The following TMEM71 variants were observed in gnomAD, a reference collection of about 807,000 sequenced individuals.
TMEM71 encodes the protein transmembrane protein 71.
In TMEM71, 44 loss-of-function variants were observed where a neutral mutation model predicts 38.0. The ratio of observed to expected loss-of-function variants is 1.16; its 90% CI spans 0.91 to 1.49. The LOEUF is 1.49. TMEM71 is among the 40% of genes most tolerant of loss of function. The pLI is 0.00. For missense variants in TMEM71, 367 were observed against 348.6 expected, an observed-to-expected ratio of 1.05 and a Z score of -0.42; for synonymous variants, 133 against 122.5, an observed-to-expected ratio of 1.09 and a Z score of -0.56.
In TMEM71 at chr8:132,745,329, A is replaced by G. The variant is rs534762725; in HGVS notation, c.487+1613T>C. 2.0e-5 allele frequency among the ~76,000 whole-genome samples: 3 copies of G among 152,326 alleles called. No individual in the cohort carries two copies. The South Asian group carries it at 6.2e-4, about 32-fold the overall frequency. ...TATAAGGAGTTTAAACAATTGAATA[A>G]GCAAAAACCAAATAATCCCATATAA... On this transcript the variant is annotated intron_variant, in intron 5 of 9. Transcript: ENST00000677595.
chr8:132,730,354 C>T (rs910711983), intron 5 of TMEM71, among the ~76,000 whole-genome samples: 3 of 152,184 alleles, frequency 2.0e-5, no homozygotes, highest in East Asian at 1.9e-4. Flanking sequence ...AACATAAAAG[C>T]TCTCTGTGGA....
At chr8:132,760,838 C>T (rs1375328399), upstream of TMEM71, 2 of 152,216 alleles carry the variant, frequency 1.3e-5, no homozygotes, top group African/African-American at 4.8e-5. Flanking sequence ...AACTTGTCAC[C>T]TTTGGCTGCG....
the TMEM71 span, among the ~76,000 whole-genome samples, chr8:132,771,957 G>A: frequency 6.6e-6 from 1 of 152,132 alleles, no homozygotes; most frequent in Admixed American, 6.5e-5. Context: ...TGATGTCAGT[G>A]CTATTTTCAA....
chr8:132,746,182 A>C (rs1051190769), intron 5 of TMEM71, among the ~76,000 whole-genome samples: 2 of 151,016 alleles, frequency 1.3e-5, no homozygotes, highest in Non-Finnish European at 2.9e-5. Flanking sequence ...AAGTTGAAAA[A>C]GAAAAATAAA....
In TMEM71 at chr8:132,710,921, G is replaced by A; in HGVS notation, c.*46C>T. The A allele has an allele frequency of 3.1e-5, 49 of 1,585,284 alleles. No homozygotes were observed. Among genetic ancestry groups the A allele is most frequent in the Non-Finnish European group, 4.2e-5 (49 of 1,155,030 alleles). On this transcript the variant is annotated 3_prime_UTR_variant, in exon 10 of 10. Transcript: ENST00000677595. ...TAGACTGCAAGTTGGACAATTTCCAGATATTCAGATGGAGGACATTCATCG... is the reference window on the plus strand; with the variant it reads ...TAGACTGCAAGTTGGACAATTTCCAAATATTCAGATGGAGGACATTCATCG...
At chr8:132,707,227 A>T (rs1310791070), downstream of TMEM71, among the ~76,000 whole-genome samples, 1 of 152,178 alleles carries the variant, frequency 6.6e-6, no homozygotes, top group Non-Finnish European at 1.5e-5. Flanking sequence ...TGGTAATAAA[A>T]ACTATAAAGC....
At chr8:132,738,439 T>C (rs755160261) in intron 5 of TMEM71, among the ~76,000 whole-genome samples, 3 of 152,220 alleles carry the variant, frequency 2.0e-5, no homozygotes, top group Non-Finnish European at 4.4e-5. Context: ...TTGGAAAATA[T>C]TCTTTAAGTC....
intron 5 of TMEM71, among the ~76,000 whole-genome samples, chr8:132,737,084 C>A (rs376878654): frequency 3.3e-5 from 5 of 152,158 alleles, no homozygotes; most frequent in African/African-American, 1.2e-4. Flanking sequence ...GAATATTGGT[C>A]GTCAGGGGCT....
At chr8:132,761,957 T>C (rs755404876), upstream of TMEM71, among the ~76,000 whole-genome samples, 13 of 152,202 alleles carry the variant, frequency 8.5e-5, no homozygotes, top group Non-Finnish European at 1.3e-4. Flanking sequence ...TTGAGCTGAC[T>C]GCAGCCCCAT....
At chr8:132,752,824 G>GAAGA (rs1321644030) in intron 3 of TMEM71, among the ~76,000 whole-genome samples, 1 of 125,798 alleles carries the variant, frequency 7.9e-6, no homozygotes, top group South Asian at 2.8e-4. Context: ...AGAAGGGAAG[G>GAAGA]AAGAAAGGAA....
chr8:132,717,865 A>G lies in TMEM71; in HGVS notation c.753-3650T>C, dbSNP rs186643968. On this transcript the variant is annotated intron_variant, in intron 7 of 9. Coordinates refer to ENST00000677595, the MANE Select transcript of TMEM71 (RefSeq NM_001382403.1). ...CAAATGCCCATCAACTGACGAATGG[A>G]TAAACAAAATGCAGTATATCTATGC... Among the ~76,000 whole-genome samples, 3 of 152,336 alleles carry G rather than the reference A, an allele frequency of 2.0e-5. No individual in the cohort carries two copies. The South Asian group carries it at 6.2e-4, about 32-fold the overall frequency.
At chr8:132,770,077 C>T in the TMEM71 span, among the ~76,000 whole-genome samples, 3 of 152,144 alleles carry the variant, frequency 2.0e-5, no homozygotes, top group Non-Finnish European at 4.4e-5. Flanking sequence ...TAACAATCCA[C>T]GGAAATGGGG....
intron 5 of TMEM71, among the ~76,000 whole-genome samples, chr8:132,742,401 A>C (rs565677851): frequency 6.6e-6 from 1 of 152,234 alleles, no homozygotes; most frequent in East Asian, 1.9e-4. Context: ...CAACAACAAA[A>C]AAACACTCCG....
intron 3 of TMEM71, among the ~76,000 whole-genome samples, chr8:132,756,289 G>C (rs1348101792): frequency 6.6e-6 from 1 of 151,124 alleles, no homozygotes; most frequent in Non-Finnish European, 1.5e-5. Context: ...AAACAAGATA[G>C]GAAAGCATAT....
chr8:132,711,347 ATCATGATCC>A (rs1459907812), intron 9 of TMEM71, among the ~76,000 whole-genome samples: 3 of 152,174 alleles, frequency 2.0e-5, no homozygotes, highest in Non-Finnish European at 4.4e-5. Context: ...GTGAAAGGTA[ATCATGATCC>A]TCAAGAAGAT....
chr8:132,745,387 A>G (rs761316477), intron 5 of TMEM71, among the ~76,000 whole-genome samples: 8 of 152,226 alleles, frequency 5.3e-5, no homozygotes, highest in Admixed American at 4.6e-4. Context: ...GACACTTCAC[A>G]AAAGAAGACA....
chr8:132,761,737 C>G (rs1351368010), upstream of TMEM71, among the ~76,000 whole-genome samples: 1 of 152,230 alleles, frequency 6.6e-6, no homozygotes, highest in Non-Finnish European at 1.5e-5. Context: ...GTTTCCACTA[C>G]CATGATGAGG....
chr8:132,736,734 G>A (rs1468089753), intron 5 of TMEM71, among the ~76,000 whole-genome samples: 1 of 152,092 alleles, frequency 6.6e-6, no homozygotes, highest in African/African-American at 2.4e-5. Context: ...GGCAGGCTGA[G>A]GCAGGAGAAT....
At chr8:132,725,023 TTTTCTTTTCTTTTCTTTTTTTTC>T (rs1188734715) in intron 6 of TMEM71, among the ~76,000 whole-genome samples, 1 of 149,130 alleles carries the variant, frequency 6.7e-6, no homozygotes. Context: ...CCTTTTTTTC[TTTTCTTTTCTTTTCTTTTTTTTC>T]TTTTTTTTTT....
Sources: gnomAD v4.1 joint callset for allele counts (sites outside exome capture counted in the v4.1 genomes callset) on GRCh38, gnomAD v4.1.1 for gene constraint, MANE v1.5 for transcripts, NCBI Gene and HGNC (gene_info 2026-07-23, HGNC 2026-07-21) for gene names.